Variants in RABGAP1L observed in about 807,000 individuals in gnomAD.
RABGAP1L encodes the protein RAB GTPase activating protein 1 like, also known as rab GTPase-activating protein 1-like.
In RABGAP1L, 63 loss-of-function variants were observed where a neutral mutation model predicts 137.7. That is an observed-to-expected ratio of 0.46 (90% CI 0.37 to 0.56). The LOEUF is 0.56. RABGAP1L is among the 20% of genes least tolerant of loss of function. The pLI is 0.00. For synonymous variants in RABGAP1L, 431 were observed against 433.7 expected (o/e 0.99, Z 0.08); for missense variants, 1,095 against 1,244.0 (o/e 0.88, Z 1.80).
chr1:174,329,039 CAAAA>C (rs59672024), intron 11 of RABGAP1L, among the ~76,000 whole-genome samples: 1 of 132,876 alleles, frequency 7.5e-6, no homozygotes, highest in Non-Finnish European at 1.7e-5. Context: ...CTTAAAAATA[CAAAA>C]AAAAAAACCC....
At chr1:174,555,375 G>A (rs1056867457) in intron 13 of RABGAP1L, among the ~76,000 whole-genome samples, 6 of 152,052 alleles carry the variant, frequency 3.9e-5, no homozygotes, top group Non-Finnish European at 8.8e-5. Context: ...TAGCTTTATG[G>A]CAAAAGCCCT....
chr1:174,762,052 T>C (rs1685270135), intron 18 of RABGAP1L, among the ~76,000 whole-genome samples: 1 of 151,932 alleles, frequency 6.6e-6, no homozygotes, highest in African/African-American at 2.4e-5. Context: ...GAGGGGATGC[T>C]CTGTGCTGGG....
intron 13 of RABGAP1L, chr1:174,545,858 A>G (rs1441182364): frequency 1.3e-5 from 2 of 152,174 alleles, no homozygotes; most frequent in African/African-American, 4.8e-5. Context: ...TGCTTAATGT[A>G]TTGCTTTGTG....
At chr1:174,555,746 T>A (rs1666835551) in intron 13 of RABGAP1L, among the ~76,000 whole-genome samples, 1 of 152,232 alleles carries the variant, frequency 6.6e-6, no homozygotes, top group South Asian at 2.1e-4. Context: ...GTAAAGATGA[T>A]TTTGATAAAG....
At chr1:174,563,000 T>C (rs1458571808) in intron 13 of RABGAP1L, among the ~76,000 whole-genome samples, 1 of 151,732 alleles carries the variant, frequency 6.6e-6, no homozygotes, top group Admixed American at 6.5e-5. Context: ...ACTTAAAGTA[T>C]AATAAAAAAA....
At chr1:174,621,495 G>C (rs1007988291) in intron 13 of RABGAP1L, among the ~76,000 whole-genome samples, 23 of 152,172 alleles carry the variant, frequency 1.5e-4, no homozygotes, top group Middle Eastern at 3.4e-3. Context: ...GGTACTGGTA[G>C]CAAAACAGAG....
chr1:174,856,927 C>CAA (rs35271468), intron 19 of RABGAP1L, among the ~76,000 whole-genome samples: 1 of 127,760 alleles, frequency 7.8e-6, no homozygotes. Flanking sequence ...ACTCCGTCTC[C>CAA]AAAAAAAAAA....
intron 17 of RABGAP1L, among the ~76,000 whole-genome samples, chr1:174,719,045 G>C (rs1228414375): frequency 6.6e-6 from 1 of 151,892 alleles, no homozygotes; most frequent in African/African-American, 2.4e-5. Flanking sequence ...CTCCATGTTG[G>C]TCAGGCTGGT....
At chr1:174,962,915 T>C (rs1469533249) in intron 20 of RABGAP1L, among the ~76,000 whole-genome samples, 1 of 151,888 alleles carries the variant, frequency 6.6e-6, no homozygotes. Context: ...CTGGCCAACA[T>C]GGTAAAACCC....
intron 19 of RABGAP1L, among the ~76,000 whole-genome samples, chr1:174,826,031 C>G (rs746198564): frequency 3.3e-5 from 5 of 152,140 alleles, no homozygotes; most frequent in Non-Finnish European, 5.9e-5. Flanking sequence ...GGTGGTTTTT[C>G]AGCTCTTGGC....
chr1:174,369,573 A>G (rs1202620278), intron 11 of RABGAP1L, among the ~76,000 whole-genome samples: 2 of 152,222 alleles, frequency 1.3e-5, no homozygotes, highest in Admixed American at 6.5e-5. Context: ...AGTTGTTTAC[A>G]TGGGATAGTT....
chr1:174,951,822 A>T (rs574644287), intron 19 of RABGAP1L, among the ~76,000 whole-genome samples: 1 of 152,314 alleles, frequency 6.6e-6, no homozygotes. Flanking sequence ...ACCAAAAATT[A>T]TTCCACCCAA....
intron 19 of RABGAP1L, among the ~76,000 whole-genome samples, chr1:174,910,525 C>T (rs1170599163): frequency 6.6e-6 from 1 of 152,094 alleles, no homozygotes. Flanking sequence ...ACTTATACCA[C>T]TTTTTTTCAA....
At chr1:174,465,576 C>T (rs191083534) in intron 13 of RABGAP1L, among the ~76,000 whole-genome samples, 9 of 152,090 alleles carry the variant, frequency 5.9e-5, no homozygotes, top group African/African-American at 1.9e-4. Context: ...ACTCTTTTCT[C>T]ATAGAGCTTA....
intron 13 of RABGAP1L, among the ~76,000 whole-genome samples, chr1:174,629,245 G>T (rs1225968895): frequency 3.9e-5 from 6 of 152,140 alleles, no homozygotes; most frequent in Non-Finnish European, 8.8e-5. Context: ...TGGAAGGTGG[G>T]TTGACATTAG....
At chr1:174,647,094 A>G (rs1675030866) in intron 14 of RABGAP1L, among the ~76,000 whole-genome samples, 1 of 152,174 alleles carries the variant, frequency 6.6e-6, no homozygotes, top group African/African-American at 2.4e-5. Context: ...TTAGCAGCTT[A>G]AGGAGACTTT....
intron 13 of RABGAP1L, among the ~76,000 whole-genome samples, chr1:174,599,451 A>G (rs116465609): frequency 1.3e-5 from 2 of 152,206 alleles, no homozygotes; most frequent in South Asian, 2.1e-4. Flanking sequence ...CCTCCAGATG[A>G]TTTCTTTTTG....
chr1:174,901,061 T>A (rs1364312707), intron 19 of RABGAP1L, among the ~76,000 whole-genome samples: 1 of 152,230 alleles, frequency 6.6e-6, no homozygotes, highest in Non-Finnish European at 1.5e-5. Flanking sequence ...AGCTCTGAAA[T>A]TCTTTCCCCT....
At chr1:174,172,425 A>T (rs1326869823) in intron 1 of RABGAP1L, among the ~76,000 whole-genome samples, 1 of 152,180 alleles carries the variant, frequency 6.6e-6, no homozygotes, top group African/African-American at 2.4e-5. Context: ...AGGAACTTCT[A>T]TACCATTTTC....
Sources: gnomAD v4.1 joint callset for allele counts (sites outside exome capture counted in the v4.1 genomes callset) on GRCh38, gnomAD v4.1.1 for gene constraint, MANE v1.5 for transcripts, NCBI Gene and HGNC (gene_info 2026-07-23, HGNC 2026-07-21) for gene names.